The following PTPRU variants were observed in gnomAD, a reference collection of about 807,000 sequenced individuals.
PTPRU encodes receptor-type tyrosine-protein phosphatase U.
Under a neutral mutation model 166.3 loss-of-function variants are expected in PTPRU, and 69 were observed. The ratio of observed to expected loss-of-function variants is 0.41; its 90% CI spans 0.34 to 0.51. The LOEUF (loss-of-function observed/expected upper bound fraction) is 0.51, where lower values mean the gene tolerates loss of function less well. PTPRU is among the 20% of genes least tolerant of loss of function. The pLI, the probability that PTPRU is intolerant of heterozygous loss-of-function variation, is 0.09. For missense variants in PTPRU, 1,657 were observed against 2,013.7 expected (o/e 0.82, Z 3.39); for synonymous variants, 793 against 814.0 (o/e 0.97, Z 0.44).
At position 29,280,562 on chromosome 1, in the gene PTPRU, C is replaced by T. The variant is rs187631150; in HGVS notation, c.1868+421C>T. On this transcript the variant is annotated intron_variant, in intron 11 of 29. Coordinates refer to ENST00000373779, the MANE Select transcript of PTPRU (RefSeq NM_133178.4). This position sits in a 1 kb window ranked among gnomAD's most constrained non-coding sequence, Gnocchi z 4.2. ...CTCTCTGGAATGGCTAGGAGCTTGG[C>T]TTCTCCACCTCCTCTCCCCAGAGGA... Among the ~76,000 whole-genome samples the T allele has an allele frequency of 1.2e-3, 188 of 152,310 alleles. 1 individual carries two copies. Among genetic ancestry groups the T allele is most frequent in the African/African-American group, 4.1e-3 (169 of 41,560 alleles).
rs1157645718 is a variant in PTPRU, at chr1:29,237,590, T to G, written c.73+873T>G. 6.6e-6 allele frequency among the ~76,000 whole-genome samples: 1 copy of G among 151,454 alleles called. No homozygotes were observed. The highest frequency in any genetic ancestry group is 1.5e-5 in the Non-Finnish European group (1 of 67,790). ...GTGCGTGTGCGCGTGTGTGGCGCGC[T>G]GGGCCGGAACAAGTTGTCGCGGCGG... is the stretch of plus-strand genomic sequence containing the variant. On this transcript the variant is annotated intron_variant, in intron 1 of 29. Transcript: ENST00000373779. The surrounding 1 kb of genome is among the most constrained non-coding windows in gnomAD (Gnocchi z 6.4).
rs920797927 is a variant in PTPRU at position 29,291,662 on chromosome 1, G to T, written c.2319-207G>T. Reference sequence around the variant, plus strand: ...CCCTTAGCAAAGGTCCCTAGGACGGGCTCTGCCAAGCCCTTTTCAGGGAAG... The same window carrying T: ...CCCTTAGCAAAGGTCCCTAGGACGGTCTCTGCCAAGCCCTTTTCAGGGAAG... On this transcript the variant is annotated intron_variant, in intron 14 of 29. Transcript: ENST00000373779. The surrounding 1 kb of genome is among the most constrained non-coding windows in gnomAD (Gnocchi z 4.1). Among the ~76,000 whole-genome samples the T allele has an allele frequency of 2.0e-5, 3 of 152,174 alleles. No homozygotes were observed. Among genetic ancestry groups the T allele is most frequent in the Non-Finnish European group, 4.4e-5 (3 of 68,028 alleles).
intron 18 of PTPRU, chr1:29,307,087 G>A (rs374635512): frequency 4.2e-5 from 67 of 1,608,590 alleles, no homozygotes; most frequent in Non-Finnish European, 5.5e-5. Flanking sequence ...CCTAATATCT[G>A]TCTCTTTTGC....
At chr1:29,287,483 C>T (rs1418264424) in intron 14 of PTPRU, among the ~76,000 whole-genome samples, 1 of 152,118 alleles carries the variant, frequency 6.6e-6, no homozygotes, top group Non-Finnish European at 1.5e-5. Flanking sequence ...GGTCTCCCCA[C>T]TCTGAGGTGT....
rs1382838718 is a variant in PTPRU, at chr1:29,260,218, A to C, written c.850+174A>C. ...ATGGCAGTGGCCCAGCCGGGATGAGATCTGATCTAGGGGTCGGGGCTGGCT... is the reference window on the plus strand; with the variant it reads ...ATGGCAGTGGCCCAGCCGGGATGAGCTCTGATCTAGGGGTCGGGGCTGGCT... On this transcript the variant is annotated intron_variant, in intron 6 of 29. Coordinates refer to ENST00000373779, the MANE Select transcript of PTPRU (RefSeq NM_133178.4). This position sits in a 1 kb window ranked among gnomAD's most constrained non-coding sequence, Gnocchi z 8.3. 4 of 759,664 alleles carry C rather than the reference A, an allele frequency of 5.3e-6. No individual in the cohort carries two copies. The highest frequency in any genetic ancestry group is 7.6e-6 in the Non-Finnish European group (4 of 528,378). The allele number at this position is 759,664 out of a possible 1,614,324, so 47.1% of individuals were successfully genotyped here.
chr1:29,272,591 T>G (rs1685607787), intron 7 of PTPRU, among the ~76,000 whole-genome samples: 1 of 152,108 alleles, frequency 6.6e-6, no homozygotes, highest in Non-Finnish European at 1.5e-5. Flanking sequence ...AGGGGAATTC[T>G]GAACAAATTA....
chr1:29,293,010 C>T (rs778341764), intron 15 of PTPRU, among the ~76,000 whole-genome samples: 2 of 152,022 alleles, frequency 1.3e-5, no homozygotes, highest in Non-Finnish European at 2.9e-5. Flanking sequence ...GATGGAGTCT[C>T]ACTCTGTTGC....
At chr1:29,242,602 T>C (rs1436873131) in intron 1 of PTPRU, among the ~76,000 whole-genome samples, 1 of 152,240 alleles carries the variant, frequency 6.6e-6, no homozygotes, top group East Asian at 1.9e-4. Context: ...AAGAGTCATA[T>C]GTTGCTAGTG....
At position 29,295,374 on chromosome 1, in the gene PTPRU, T is replaced by C. The variant is rs563820862; in HGVS notation, c.2476+3348T>C. Among the ~76,000 whole-genome samples, 3 of 152,304 alleles carry C rather than the reference T, an allele frequency of 2.0e-5. No individual in the cohort carries two copies. In the East Asian group the frequency reaches 5.8e-4, roughly 29 times the overall value. On this transcript the variant is annotated intron_variant, in intron 15 of 29. Coordinates refer to ENST00000373779, the MANE Select transcript of PTPRU (RefSeq NM_133178.4). Reference sequence around the variant, plus strand: ...CTCTTTGTTATAAATTTTAGAGTCATCTCTTTAAGTTTCTTGAAAAACTTT... The same window carrying C: ...CTCTTTGTTATAAATTTTAGAGTCACCTCTTTAAGTTTCTTGAAAAACTTT...
intron 7 of PTPRU, among the ~76,000 whole-genome samples, chr1:29,265,281 C>T (rs1685250378): frequency 6.6e-6 from 1 of 152,146 alleles, no homozygotes; most frequent in East Asian, 1.9e-4. Context: ...TTATTTTGGA[C>T]TTCCTGAGAG....
intron 1 of PTPRU, among the ~76,000 whole-genome samples, chr1:29,243,720 G>A (rs1177685217): frequency 6.6e-6 from 1 of 152,222 alleles, no homozygotes; most frequent in Non-Finnish European, 1.5e-5. Context: ...GGGCTGAGCT[G>A]TGTCTTTGTC....
intron 25 of PTPRU, among the ~76,000 whole-genome samples, chr1:29,318,131 C>T (rs1395135865): frequency 6.6e-6 from 1 of 152,190 alleles, no homozygotes; most frequent in Non-Finnish European, 1.5e-5. Flanking sequence ...TCAGTGGGGT[C>T]TGGTTGTGGA....
chr1:29,259,868 A>C lies in PTPRU; in HGVS notation c.676-2A>C. On this transcript the variant is annotated splice_acceptor_variant, in intron 5 of 29. Transcript: ENST00000373779. LOFTEE classifies it high-confidence loss of function. ...CTGACCCCCTCACTCTCTTCCCTGC[A>C]GCGGCAGAGCGGGGCGCTGGTGCCG... 6.5e-7 allele frequency: 1 copy of C among 1,529,138 alleles called. No homozygotes were observed. Among genetic ancestry groups the C allele is most frequent in the Non-Finnish European group, 8.7e-7 (1 of 1,144,312 alleles). The allele number at this position is 1,529,138 out of a possible 1,614,324, so 94.7% of individuals were successfully genotyped here.
intron 14 of PTPRU, among the ~76,000 whole-genome samples, chr1:29,285,729 C>T (rs1056658864): frequency 2.0e-5 from 3 of 152,162 alleles, no homozygotes; most frequent in African/African-American, 4.8e-5. Flanking sequence ...AAACCCTTCC[C>T]TGGGAGCCTA....
chr1:29,266,250 C>T (rs1403773202), intron 7 of PTPRU, among the ~76,000 whole-genome samples: 11 of 151,884 alleles, frequency 7.2e-5, no homozygotes, highest in South Asian at 4.2e-4. Context: ...TTAGGTGATC[C>T]GGCCTCCCAA....
intron 15 of PTPRU, among the ~76,000 whole-genome samples, chr1:29,293,777 T>TG (rs1222485301): frequency 6.6e-6 from 1 of 152,226 alleles, no homozygotes; most frequent in Non-Finnish European, 1.5e-5. Flanking sequence ...CCCGGACTTT[T>TG]GGGGGTAGTT....
chr1:29,295,022 AT>A lies in PTPRU; in HGVS notation c.2476+3001del, dbSNP rs527414289. 4.3e-3 allele frequency among the ~76,000 whole-genome samples: 647 copies of A among 152,162 alleles called. 2 individuals carry two copies. Among genetic ancestry groups the A allele is most frequent in the African/African-American group, 0.015 (627 of 41,524 alleles). ...GTGCTTCATCAAGGATGTCTTGGCT[AT>A]TTTTGTTTTCATTCTCTCTCTCTGT... On this transcript the variant is annotated intron_variant, in intron 15 of 29. Transcript: ENST00000373779.
In PTPRU at chr1:29,273,221, G is replaced by A. The variant is rs558037579; in HGVS notation, c.1145-2227G>A. Among the ~76,000 whole-genome samples, 4 of 152,316 alleles carry A rather than the reference G, an allele frequency of 2.6e-5. No individual in the cohort carries two copies. In the East Asian group the frequency reaches 7.7e-4, roughly 29 times the overall value. On this transcript the variant is annotated intron_variant, in intron 7 of 29. Coordinates refer to ENST00000373779, the MANE Select transcript of PTPRU (RefSeq NM_133178.4). ...CAATGCAGATGCAGGACTAAGGGCTGAGTCCTGGGCTCCATCTTGCCTTTG... is the reference window on the plus strand; with the variant it reads ...CAATGCAGATGCAGGACTAAGGGCTAAGTCCTGGGCTCCATCTTGCCTTTG...
At chr1:29,258,038 C>T (rs930187563) in intron 2 of PTPRU, among the ~76,000 whole-genome samples, 1 of 152,062 alleles carries the variant, frequency 6.6e-6, no homozygotes, top group Non-Finnish European at 1.5e-5. Flanking sequence ...GATCTTGGCT[C>T]ACTGCAACCT....
Sources: allele counts gnomAD v4.1 joint callset (sites outside exome capture counted in the v4.1 genomes callset), GRCh38; gene constraint gnomAD v4.1.1; non-coding constraint Gnocchi (gnomAD v3.1); transcripts MANE v1.5; gene names NCBI Gene and HGNC (gene_info 2026-07-23, HGNC 2026-07-21).